Variants in SLC24A2 observed in about 807,000 individuals in gnomAD.
The protein encoded by SLC24A2 is solute carrier family 24 member 2, also known as sodium/potassium/calcium exchanger 2.
SLC24A2 carries 36 observed loss-of-function variants against 62.0 expected under a neutral mutation model. The observed-to-expected ratio is 0.58, with a 90% CI of 0.44 to 0.77. The LOEUF (loss-of-function observed/expected upper bound fraction) is 0.77, where lower values mean the gene tolerates loss of function less well. Ranked by LOEUF, SLC24A2 falls within the 30% of genes least tolerant of loss-of-function variation. The pLI is 0.00. For missense variants in SLC24A2, 846 were observed against 817.9 expected (o/e 1.03, Z -0.42); for synonymous variants, 358 against 294.0 (o/e 1.22, Z -2.23).
At chr9:19,580,087 G>C (rs923781302) in intron 5 of SLC24A2, among the ~76,000 whole-genome samples, 1 of 152,230 alleles carries the variant, frequency 6.6e-6, no homozygotes, top group Non-Finnish European at 1.5e-5. Flanking sequence ...AACAGTAAGA[G>C]GGATTAGCGT....
At chr9:19,925,010 T>A in the SLC24A2 span, among the ~76,000 whole-genome samples, 1 of 152,156 alleles carries the variant, frequency 6.6e-6, no homozygotes, top group Middle Eastern at 3.2e-3. Context: ...GAGCAGTCAA[T>A]GCATCAAAGT....
chr9:19,566,547 A>T (rs1835659503), intron 7 of SLC24A2, among the ~76,000 whole-genome samples: 1 of 152,044 alleles, frequency 6.6e-6, no homozygotes, highest in African/African-American at 2.4e-5. Context: ...TGTGGAAGAC[A>T]GTGTGGCGAT....
At chr9:19,892,748 G>A in the SLC24A2 span, among the ~76,000 whole-genome samples, 5 of 151,394 alleles carry the variant, frequency 3.3e-5, no homozygotes, top group South Asian at 2.1e-4. Flanking sequence ...TTGTATTTAC[G>A]CATGGAGGAA....
At chr9:19,782,954 T>C (rs1034302112) in intron 2 of SLC24A2, among the ~76,000 whole-genome samples, 4 of 152,122 alleles carry the variant, frequency 2.6e-5, no homozygotes, top group African/African-American at 9.7e-5. Context: ...GTCATGATGG[T>C]ATATAACTTT....
rs1450623071 is a variant in SLC24A2 at position 19,507,539 on chromosome 9, T to G, written c.*8614A>C. Reference sequence around the variant, plus strand: ...AAAGTGATATTCTATGAATTGATTATCAGTAGTAGAAGCACAAAGGTATGG... The same window carrying G: ...AAAGTGATATTCTATGAATTGATTAGCAGTAGTAGAAGCACAAAGGTATGG... On this transcript the variant is annotated 3_prime_UTR_variant, in exon 11 of 11. Coordinates refer to ENST00000341998, the MANE Select transcript of SLC24A2 (RefSeq NM_020344.4). The G allele has an allele frequency of 6.6e-6, 1 of 152,180 alleles. No homozygotes were observed. Among genetic ancestry groups the G allele is most frequent in the Admixed American group, 6.5e-5 (1 of 15,272 alleles). The allele number at this position is 152,180 out of a possible 1,614,324, so 9.4% of individuals were successfully genotyped here.
chr9:19,701,385 C>T (rs1017746733), intron 2 of SLC24A2, among the ~76,000 whole-genome samples: 3 of 152,144 alleles, frequency 2.0e-5, no homozygotes, highest in African/African-American at 4.8e-5. Flanking sequence ...GGAATTCATA[C>T]CCCCATGCCA....
chr9:19,583,872 G>C (rs764431246), intron 5 of SLC24A2, among the ~76,000 whole-genome samples: 1 of 152,142 alleles, frequency 6.6e-6, no homozygotes, highest in Non-Finnish European at 1.5e-5. Context: ...ATAAAGATCA[G>C]GGCAGGGAAA....
chr9:19,786,854 G>T lies in SLC24A2; in HGVS notation c.13C>A (p.Gln5Lys). ...TCTAGGGAAGTGATGGTGGTGCTTT[G>T]TTGCAGATCCATCCTGGGTCTTCTG... Reference protein sequence around the residue: MDLQQSTTITSLEKW... With the variant: MDLQKSTTITSLEKW... The change falls in exon 2 of 11, where the codon CAA becomes AAA. Residue 5 changes from glutamine (Q) to lysine (K), a missense_variant. By Grantham distance (53) the Gln-to-Lys change is moderately conservative (BLOSUM62 1). Coordinates refer to ENST00000341998, the MANE Select transcript of SLC24A2 (RefSeq NM_020344.4). The surrounding 1 kb of genome is among the most constrained non-coding windows in gnomAD (Gnocchi z 5.0). 4 of 1,610,360 alleles carry T rather than the reference G, an allele frequency of 2.5e-6. No individual in the cohort carries two copies. The highest frequency in any genetic ancestry group is 3.4e-6 in the Non-Finnish European group (4 of 1,179,936).
chr9:20,014,371 T>A, the SLC24A2 span, among the ~76,000 whole-genome samples: 1 of 151,910 alleles, frequency 6.6e-6, no homozygotes, highest in African/African-American at 2.4e-5. Context: ...TAACCCCACT[T>A]CTGGGTATAT....
chr9:19,770,608 T>G (rs1822656777), intron 2 of SLC24A2, among the ~76,000 whole-genome samples: 1 of 152,170 alleles, frequency 6.6e-6, no homozygotes, highest in Non-Finnish European at 1.5e-5. Context: ...GGTCATCTGC[T>G]CCCACTTCCT....
At chr9:19,829,806 TATATACAC>T in the SLC24A2 span, among the ~76,000 whole-genome samples, 32,907 of 110,868 alleles carry the variant, frequency 0.3, 5,674 homozygotes, top group Non-Finnish European at 0.39. Context: ...TGTATATATA[TATATACAC>T]ACACACACAC....
chr9:20,278,901 T>C, the SLC24A2 span, among the ~76,000 whole-genome samples: 17 of 152,278 alleles, frequency 1.1e-4, no homozygotes, highest in African/African-American at 4.1e-4. Flanking sequence ...ACTGGGTTAT[T>C]TATAAAGGAA....
upstream of SLC24A2, among the ~76,000 whole-genome samples, chr9:19,790,539 AAAAAAAAAAGAT>A (rs1370079426): frequency 6.6e-6 from 1 of 151,816 alleles, no homozygotes; most frequent in African/African-American, 2.4e-5. Flanking sequence ...TCAAAAAAAA[AAAAAAAAAAGAT>A]AATCGCAATT....
chr9:19,752,998 A>T (rs1822030771), intron 2 of SLC24A2, among the ~76,000 whole-genome samples: 1 of 152,220 alleles, frequency 6.6e-6, no homozygotes, highest in Non-Finnish European at 1.5e-5. Flanking sequence ...AGAAAAATGC[A>T]AGGGCCAGAA....
intron 5 of SLC24A2, among the ~76,000 whole-genome samples, chr9:19,590,818 T>C (rs1364461143): frequency 6.6e-6 from 1 of 152,196 alleles, no homozygotes. Flanking sequence ...ATTAAGTTTT[T>C]GGCAAGTCAA....
chr9:19,634,362 C>T (rs1228896954), intron 2 of SLC24A2, among the ~76,000 whole-genome samples: 1 of 138,800 alleles, frequency 7.2e-6, no homozygotes, highest in Non-Finnish European at 1.5e-5. Context: ...GATTTCAGCT[C>T]AATGCAAACT....
chr9:20,212,807 T>G, the SLC24A2 span, among the ~76,000 whole-genome samples: 20,999 of 151,230 alleles, frequency 0.14, 1,996 homozygotes, highest in African/African-American at 0.23. Context: ...TATACATATT[T>G]ATAAAAATAT....
chr9:20,208,775 T>C, the SLC24A2 span, among the ~76,000 whole-genome samples: 1 of 152,148 alleles, frequency 6.6e-6, no homozygotes, highest in African/African-American at 2.4e-5. Flanking sequence ...GTCATGACCG[T>C]GTTACGGGAA....
At chr9:19,630,365 A>G (rs1413157509) in intron 2 of SLC24A2, among the ~76,000 whole-genome samples, 3 of 152,198 alleles carry the variant, frequency 2.0e-5, no homozygotes, top group Non-Finnish European at 4.4e-5. Context: ...AATTGAAGAC[A>G]TAATTTAATT....
Sources: allele counts gnomAD v4.1 joint callset (sites outside exome capture counted in the v4.1 genomes callset), GRCh38; gene constraint gnomAD v4.1.1; non-coding constraint Gnocchi (gnomAD v3.1); transcripts MANE v1.5; gene names NCBI Gene and HGNC (gene_info 2026-07-23, HGNC 2026-07-21).